SLCO1A2: variants seen among roughly 807,000 people sequenced by gnomAD.
SLCO1A2 encodes the protein solute carrier organic anion transporter family member 1A2.
In SLCO1A2, 67 loss-of-function variants were observed where a neutral mutation model predicts 69.0. The observed-to-expected ratio is 0.97, with a 90% CI of 0.80 to 1.19. The LOEUF (loss-of-function observed/expected upper bound fraction) is 1.19. Ranked by LOEUF, SLCO1A2 falls within the 50% of genes most tolerant of loss-of-function variation. The pLI is 0.00. For synonymous variants in SLCO1A2, 260 were observed against 265.9 expected (o/e 0.98, Z 0.22); for missense variants, 787 against 793.7 (o/e 0.99, Z 0.10).
chr12:21,401,497 C>CAT (rs1031752961), intron 1 of SLCO1A2, among the ~76,000 whole-genome samples: 6 of 151,734 alleles, frequency 4.0e-5, no homozygotes, highest in Non-Finnish European at 8.8e-5. Flanking sequence ...AAAAAACCTC[C>CAT]ATAATATTAT....
chr12:21,299,772 A>G (rs374470319), intron 8 of SLCO1A2, among the ~76,000 whole-genome samples: 4,236 of 91,264 alleles, frequency 0.046, 162 homozygotes, highest in Admixed American at 0.14. Context: ...ATACGTGTGT[A>G]TATATATATA....
upstream of SLCO1A2, among the ~76,000 whole-genome samples, chr12:21,418,240 C>A (rs1453875484): frequency 1.3e-5 from 2 of 152,074 alleles, no homozygotes; most frequent in Non-Finnish European, 2.9e-5. Flanking sequence ...TTCCTGTCTG[C>A]AGAAAAATGT....
intron 2 of SLCO1A2, among the ~76,000 whole-genome samples, chr12:21,325,384 C>T (rs1316499860): frequency 6.6e-6 from 1 of 152,164 alleles, no homozygotes; most frequent in South Asian, 2.1e-4. Flanking sequence ...TCAACCTGTA[C>T]ATTTTTATGT....
chr12:21,275,304 A>T (rs766927298), intron 13 of SLCO1A2, 56 bp downstream of exon 13: 44 of 1,403,044 alleles, frequency 3.1e-5, no homozygotes, highest in African/African-American at 7.2e-5. Context: ...GTGTAATAAA[A>T]AATAATAATA....
chr12:21,365,893 G>C (rs10841799), intron 2 of SLCO1A2, among the ~76,000 whole-genome samples: 1 of 151,894 alleles, frequency 6.6e-6, no homozygotes, highest in Non-Finnish European at 1.5e-5. Flanking sequence ...AAAAAGTCAG[G>C]AAACAACAGG....
chr12:21,401,260 A>G (rs1302939747), intron 1 of SLCO1A2, among the ~76,000 whole-genome samples: 2 of 151,930 alleles, frequency 1.3e-5, no homozygotes, highest in Non-Finnish European at 2.9e-5. Flanking sequence ...AAAGAATTTG[A>G]TACAGCAACA....
chr12:21,350,194 GTA>G (rs1937819169), intron 2 of SLCO1A2, among the ~76,000 whole-genome samples: 1 of 151,812 alleles, frequency 6.6e-6, no homozygotes, highest in African/African-American at 2.4e-5. Context: ...CTTTAAAAAT[GTA>G]TATAGTCTTA....
chr12:21,285,740 A>G lies in SLCO1A2; in HGVS notation c.1610+6424T>C, dbSNP rs1160894248. Among the ~76,000 whole-genome samples, 11 of 150,510 alleles carry G rather than the reference A, an allele frequency of 7.3e-5. No individual in the cohort carries two copies. In the East Asian group the frequency reaches 2.0e-3, roughly 27 times the overall value. On this transcript the variant is annotated intron_variant, in intron 12 of 14. Transcript: ENST00000683939. ...AATAAATGTAATCCAGCATATAAAC[A>G]GAGCCAAAGACAAAAACCACATGAT... is the stretch of plus-strand genomic sequence containing the variant.
At chr12:21,418,825 G>A (rs915432349), upstream of SLCO1A2, among the ~76,000 whole-genome samples, 2 of 152,116 alleles carry the variant, frequency 1.3e-5, no homozygotes, top group Non-Finnish European at 1.5e-5. Flanking sequence ...GTCTAGAACA[G>A]GGGATTAGCA....
intron 1 of SLCO1A2, among the ~76,000 whole-genome samples, chr12:21,401,035 A>G (rs1357747271): frequency 6.8e-6 from 1 of 146,806 alleles, no homozygotes; most frequent in Non-Finnish European, 1.5e-5. Flanking sequence ...AATAATAAAA[A>G]AAAAGACAAA....
chr12:21,329,419 C>G (rs1441820452), intron 2 of SLCO1A2, among the ~76,000 whole-genome samples: 1 of 151,944 alleles, frequency 6.6e-6, no homozygotes, highest in African/African-American at 2.4e-5. Context: ...TGGGCCTGAT[C>G]CAGCCTTAAG....
At chr12:21,373,639 C>T (rs1465764246) in intron 2 of SLCO1A2, 18 of 700,414 alleles carry the variant, frequency 2.6e-5, no homozygotes, top group Admixed American at 1.2e-4. Flanking sequence ...GAACTTCTGA[C>T]AGACAGGAAT....
At chr12:21,290,453 T>C (rs936446465) in intron 12 of SLCO1A2, among the ~76,000 whole-genome samples, 1 of 152,108 alleles carries the variant, frequency 6.6e-6, no homozygotes, top group African/African-American at 2.4e-5. Flanking sequence ...GTGACGCTGG[T>C]ATGGGAACAG....
chr12:21,344,098 G>A (rs777343853), intron 2 of SLCO1A2, among the ~76,000 whole-genome samples: 1 of 152,060 alleles, frequency 6.6e-6, no homozygotes, highest in Non-Finnish European at 1.5e-5. Context: ...TCAAAAATTA[G>A]ATAAATCTTG....
At chr12:21,415,811 T>C (rs1233331083) in intron 1 of SLCO1A2, among the ~76,000 whole-genome samples, 1 of 152,082 alleles carries the variant, frequency 6.6e-6, no homozygotes, top group African/African-American at 2.4e-5. Context: ...CAAAGACTTG[T>C]AAAATATTTT....
At position 21,283,931 on chromosome 12, in the gene SLCO1A2, G is replaced by C. The variant is rs116545740; in HGVS notation, c.1610+8233C>G. Among the ~76,000 whole-genome samples the C allele has an allele frequency of 5.5e-3, 843 of 152,240 alleles. 12 individuals carry two copies. Among genetic ancestry groups the C allele is most frequent in the African/African-American group, 0.019 (807 of 41,544 alleles). On this transcript the variant is annotated intron_variant, in intron 12 of 14. Transcript: ENST00000683939. The stretch of plus-strand genomic sequence containing the variant: ...AATAACAAATACTGGTGAGTATGTA[G>C]AGTAAAGGGAACCCTCCTACACTGT...
intron 12 of SLCO1A2, among the ~76,000 whole-genome samples, chr12:21,288,967 A>G (rs1320156842): frequency 6.6e-6 from 1 of 151,892 alleles, no homozygotes; most frequent in Admixed American, 6.6e-5. Flanking sequence ...ACACATATAT[A>G]CATATACATA....
chr12:21,385,123 A>C (rs756385951), intron 1 of SLCO1A2, among the ~76,000 whole-genome samples: 2 of 152,132 alleles, frequency 1.3e-5, no homozygotes, highest in Non-Finnish European at 2.9e-5. Context: ...ATTATCATAT[A>C]AATATATAAA....
chr12:21,390,748 T>C (rs1941110719), intron 1 of SLCO1A2, among the ~76,000 whole-genome samples: 1 of 152,172 alleles, frequency 6.6e-6, no homozygotes, highest in Admixed American at 6.5e-5. Context: ...ATAGGAGATA[T>C]CTAAATCTTC....
Sources: allele counts gnomAD v4.1 joint callset (sites outside exome capture counted in the v4.1 genomes callset), GRCh38; gene constraint gnomAD v4.1.1; transcripts MANE v1.5; gene names NCBI Gene and HGNC (gene_info 2026-07-23, HGNC 2026-07-21).